The following RAPGEF4 variants were observed in gnomAD, a reference collection of about 807,000 sequenced individuals.
RAPGEF4 encodes RAP guanine-nucleotide-exchange factor (GEF) 4.
A neutral mutation model predicts 147.9 loss-of-function variants in RAPGEF4; 66 were observed. That is an observed-to-expected ratio of 0.45 (90% CI 0.37 to 0.55). RAPGEF4 has a LOEUF of 0.55. RAPGEF4 is among the 20% of genes least tolerant of loss of function. The probability of loss-of-function intolerance (pLI) is 0.00; values close to 1 mark genes in which losing one functional copy is unlikely to be tolerated. For synonymous variants in RAPGEF4, 419 were observed against 442.7 expected, an observed-to-expected ratio of 0.95 and a Z score of 0.67; for missense variants, 1,071 against 1,257.3, an observed-to-expected ratio of 0.85 and a Z score of 2.24.
At chr2:172,736,141 C>A in intron 1 of RAPGEF4, 93 bp downstream of exon 1, 1 of 1,073,052 alleles carries the variant, frequency 9.3e-7, no homozygotes, top group South Asian at 3.1e-5. Flanking sequence ...CGCAGCGCGG[C>A]CGGGCTGCGG....
At chr2:172,806,759 AT>A (rs1687535408) in intron 3 of RAPGEF4, among the ~76,000 whole-genome samples, 1 of 152,202 alleles carries the variant, frequency 6.6e-6, no homozygotes, top group Admixed American at 6.5e-5. Flanking sequence ...TCACTGTGAA[AT>A]TATCTGGCAC....
chr2:172,911,756 G>C (rs918540107), intron 4 of RAPGEF4, among the ~76,000 whole-genome samples: 1 of 125,376 alleles, frequency 8.0e-6, no homozygotes, highest in Non-Finnish European at 1.6e-5. Context: ...ACTGTGCTAA[G>C]CCTTTTTTTT....
intron 3 of RAPGEF4, among the ~76,000 whole-genome samples, chr2:172,805,828 T>C (rs1328646581): frequency 3.9e-5 from 6 of 152,204 alleles, no homozygotes; most frequent in Non-Finnish European, 7.3e-5. Flanking sequence ...AAAAGTTACA[T>C]AGGGCTAAAA....
At chr2:172,735,806 TCCCCACCGCCCCAGGCCGCGGGAG>T (rs1693687193), upstream of RAPGEF4, 1 of 307,174 alleles carries the variant, frequency 3.3e-6, no homozygotes. Flanking sequence ...CCCCTCCCTC[TCCCCACCGCCCCAGGCCGCGGGAG>T]CCCGCGGGGA....
At chr2:172,888,535 A>C (rs1248120081) in intron 4 of RAPGEF4, among the ~76,000 whole-genome samples, 1 of 152,226 alleles carries the variant, frequency 6.6e-6, no homozygotes, top group Non-Finnish European at 1.5e-5. Context: ...CAGATTAGAA[A>C]AGTTTAGCAT....
chr2:173,014,021 G>A (rs1013647138), intron 17 of RAPGEF4, among the ~76,000 whole-genome samples: 5 of 152,124 alleles, frequency 3.3e-5, no homozygotes, highest in Non-Finnish European at 7.3e-5. Context: ...TGGGCATTCA[G>A]TTTTACTGAA....
At position 172,995,291 on chromosome 2, in the gene RAPGEF4, T is replaced by TGTG. The variant is rs1559171296; in HGVS notation, c.1491-1175_1491-1174insGTG. 1.5e-3 allele frequency among the ~76,000 whole-genome samples: 210 copies of TGTG among 138,814 alleles called. 1 individual carries two copies. Among genetic ancestry groups the TGTG allele is most frequent in the African/African-American group, 5.7e-3 (198 of 34,686 alleles). The allele number at this position is 138,814 out of a possible 152,430, so 91.1% of individuals were successfully genotyped here. A position where few individuals can be genotyped will look rare whatever the true frequency, so the allele number is the denominator to read the frequency against. Reference sequence around the variant, plus strand: ...TGTGTGTGTGTGTGTGTGTGTGTGTTTGTATTTTGAGATGGAGTCTTGCTG... The same window carrying TGTG: ...TGTGTGTGTGTGTGTGTGTGTGTGTTGTGTGTATTTTGAGATGGAGTCTTGCTG... On this transcript the variant is annotated intron_variant, in intron 15 of 30. Coordinates refer to ENST00000397081, the MANE Select transcript of RAPGEF4 (RefSeq NM_007023.4).
At chr2:172,941,484 T>C (rs1687148185) in intron 6 of RAPGEF4, among the ~76,000 whole-genome samples, 1 of 152,182 alleles carries the variant, frequency 6.6e-6, no homozygotes, top group African/African-American at 2.4e-5. Flanking sequence ...CACGAAGTTA[T>C]TGTGAAAAAT....
intron 27 of RAPGEF4, among the ~76,000 whole-genome samples, chr2:173,035,512 A>C (rs1203872830): frequency 1.5e-5 from 2 of 137,644 alleles, no homozygotes; most frequent in East Asian, 4.2e-4. Context: ...CTCTGTCTCC[A>C]AAAAAAAAAA....
At chr2:172,930,880 G>A (rs992359614) in intron 6 of RAPGEF4, among the ~76,000 whole-genome samples, 8 of 152,278 alleles carry the variant, frequency 5.3e-5, no homozygotes, top group Admixed American at 5.2e-4. Context: ...CAAGGGCTAA[G>A]TCATTGAATT....
At chr2:172,902,000 G>C (rs964922179) in intron 4 of RAPGEF4, among the ~76,000 whole-genome samples, 2 of 152,190 alleles carry the variant, frequency 1.3e-5, no homozygotes, top group African/African-American at 4.8e-5. Flanking sequence ...CATGAGGACT[G>C]GGGGTTGGGG....
chr2:172,920,441 A>G (rs1684623906), intron 5 of RAPGEF4, among the ~76,000 whole-genome samples: 1 of 152,126 alleles, frequency 6.6e-6, no homozygotes. Flanking sequence ...CTCAAACTGG[A>G]CTTCAGTCAA....
chr2:172,833,190 C>A (rs1050004150), intron 4 of RAPGEF4, among the ~76,000 whole-genome samples: 1 of 128,714 alleles, frequency 7.8e-6, no homozygotes, highest in Non-Finnish European at 1.6e-5. Flanking sequence ...GGCGACAGAG[C>A]GAGACTCCGT....
chr2:172,990,027 A>G (rs1024875751), intron 14 of RAPGEF4, among the ~76,000 whole-genome samples: 10 of 151,674 alleles, frequency 6.6e-5, no homozygotes, highest in African/African-American at 2.4e-4. Context: ...CAAAAAAAAA[A>G]AAGAAAAGAA....
chr2:173,026,779 T>C, intron 24 of RAPGEF4, 82 bp downstream of exon 24: 1 of 1,534,668 alleles, frequency 6.5e-7, no homozygotes, highest in Non-Finnish European at 8.9e-7. Flanking sequence ...TAAGTGCTAA[T>C]ATGTGCTACA....
At chr2:172,787,043 C>G (rs566982451) in intron 1 of RAPGEF4, among the ~76,000 whole-genome samples, 72 of 152,138 alleles carry the variant, frequency 4.7e-4, no homozygotes, top group African/African-American at 1.6e-3. Context: ...AACCCCATCT[C>G]TACTAAAAAT....
chr2:172,916,756 G>A (rs771056123), intron 4 of RAPGEF4, among the ~76,000 whole-genome samples: 3 of 152,174 alleles, frequency 2.0e-5, no homozygotes, highest in African/African-American at 4.8e-5. Context: ...CATTACAAAC[G>A]CCATTCAAAT....
chr2:172,861,530 C>A (rs950493817), intron 4 of RAPGEF4, among the ~76,000 whole-genome samples: 1 of 152,116 alleles, frequency 6.6e-6, no homozygotes, highest in Non-Finnish European at 1.5e-5. Flanking sequence ...GTGTCCCTGG[C>A]GAGCCTAGGT....
At chr2:173,049,620 A>G (rs1056688682) in intron 30 of RAPGEF4, among the ~76,000 whole-genome samples, 2 of 152,242 alleles carry the variant, frequency 1.3e-5, no homozygotes, top group African/African-American at 2.4e-5. Context: ...ATTTGCTAAC[A>G]TGGGACACCA....
Sources: allele counts gnomAD v4.1 joint callset (sites outside exome capture counted in the v4.1 genomes callset), GRCh38; gene constraint gnomAD v4.1.1; transcripts MANE v1.5; gene names NCBI Gene and HGNC (gene_info 2026-07-23, HGNC 2026-07-21).